The following RTN4 variants were observed in gnomAD, a reference collection of about 807,000 sequenced individuals.
RTN4 encodes the protein reticulon-4.
A neutral mutation model predicts 90.4 loss-of-function variants in RTN4; 32 were observed. The observed-to-expected ratio is 0.35, with a 90% CI of 0.27 to 0.48. The LOEUF (loss-of-function observed/expected upper bound fraction) is 0.48, where lower values mean the gene tolerates loss of function less well. Among genes scored for constraint, RTN4 ranks in the 20% least tolerant of loss-of-function variants. The pLI, the probability that RTN4 is intolerant of heterozygous loss-of-function variation, is 0.99. For synonymous variants in RTN4, 629 were observed against 552.5 expected, an observed-to-expected ratio of 1.14 and a Z score of -1.94; for missense variants, 1,706 against 1,430.2, an observed-to-expected ratio of 1.19 and a Z score of -3.11.
intron 1 of RTN4, among the ~76,000 whole-genome samples, chr2:55,092,097 G>T (rs751982632): frequency 3.9e-5 from 6 of 152,008 alleles, no homozygotes; most frequent in Non-Finnish European, 8.8e-5. Context: ...GGTTGAGGTG[G>T]GAAGATTGCT....
intron 3 of RTN4, among the ~76,000 whole-genome samples, chr2:54,994,814 A>C (rs1679286805): frequency 6.6e-6 from 1 of 152,238 alleles, no homozygotes; most frequent in East Asian, 1.9e-4. Context: ...TCCTCACTTA[A>C]ATGTTGAGGA....
intron 3 of RTN4, among the ~76,000 whole-genome samples, chr2:54,994,117 G>T (rs1679234601): frequency 6.6e-6 from 1 of 152,170 alleles, no homozygotes; most frequent in African/African-American, 2.4e-5. Flanking sequence ...GGAATGTATA[G>T]AACTTTATTA....
chr2:55,115,920 C>T (rs1668116481), upstream of RTN4, among the ~76,000 whole-genome samples: 1 of 152,110 alleles, frequency 6.6e-6, no homozygotes, highest in African/African-American at 2.4e-5. Context: ...GCTGCAGAAT[C>T]CCAGCTCAGT....
At chr2:55,066,599 C>A (rs1019222866) in intron 2 of RTN4, among the ~76,000 whole-genome samples, 5 of 152,010 alleles carry the variant, frequency 3.3e-5, no homozygotes, top group African/African-American at 1.2e-4. Flanking sequence ...GAGGCTGAAG[C>A]AGGAGAGTCG....
At chr2:55,116,629 A>C (rs1668130461), upstream of RTN4, among the ~76,000 whole-genome samples, 1 of 152,216 alleles carries the variant, frequency 6.6e-6, no homozygotes, top group African/African-American at 2.4e-5. Flanking sequence ...CCCATGAGGT[A>C]TGTACTATTA....
rs560765843 is a variant in RTN4, at chr2:55,038,658, C to T, written c.557-10438G>A. Among the ~76,000 whole-genome samples, 4 of 152,306 alleles carry T rather than the reference C, an allele frequency of 2.6e-5. No individual in the cohort carries two copies. In the East Asian group the frequency reaches 5.8e-4, roughly 22 times the overall value. On this transcript the variant is annotated intron_variant, in intron 1 of 8. Transcript: ENST00000337526. ...GAAAACGTAAAGCCACCAGAATTCTCACACATTGCTGGTGGAAGTGGTTGG... is the reference window on the plus strand; with the variant it reads ...GAAAACGTAAAGCCACCAGAATTCTTACACATTGCTGGTGGAAGTGGTTGG...
intron 3 of RTN4, chr2:55,010,086 C>T (rs761513587): frequency 1.9e-6 from 3 of 1,613,456 alleles, no homozygotes; most frequent in Non-Finnish European, 8.5e-7. Flanking sequence ...AGCAGATATA[C>T]CCTTGTCCTT....
chr2:55,067,750 C>T (rs1252599399), intron 2 of RTN4, among the ~76,000 whole-genome samples: 1 of 152,100 alleles, frequency 6.6e-6, no homozygotes, highest in Admixed American at 6.6e-5. Flanking sequence ...ATCAATAATT[C>T]TCAGACTTTT....
At chr2:55,005,760 G>A (rs1182039734) in intron 3 of RTN4, among the ~76,000 whole-genome samples, 1 of 152,100 alleles carries the variant, frequency 6.6e-6, no homozygotes, top group Non-Finnish European at 1.5e-5. Flanking sequence ...TGGGAGTGAG[G>A]CCCAAGTCTA....
chr2:55,118,861 A>G, the RTN4 span, among the ~76,000 whole-genome samples: 2 of 152,188 alleles, frequency 1.3e-5, no homozygotes, highest in Non-Finnish European at 2.9e-5. Flanking sequence ...GTCCCTGACA[A>G]TTTATCAGGA....
intron 3 of RTN4, among the ~76,000 whole-genome samples, chr2:54,997,310 C>T (rs868743294): frequency 1.3e-5 from 2 of 152,060 alleles, no homozygotes; most frequent in Admixed American, 1.3e-4. Flanking sequence ...AATGAGATAC[C>T]ACTTCATACC....
chr2:54,998,369 A>T (rs1055537162), intron 3 of RTN4, among the ~76,000 whole-genome samples: 4 of 152,228 alleles, frequency 2.6e-5, no homozygotes, highest in African/African-American at 9.6e-5. Flanking sequence ...CTTTATCCCC[A>T]GAGCTGAGCA....
intron 2 of RTN4, among the ~76,000 whole-genome samples, chr2:55,065,226 A>G (rs536630827): frequency 6.6e-6 from 1 of 152,186 alleles, no homozygotes; most frequent in Non-Finnish European, 1.5e-5. Flanking sequence ...TTACTAGAGC[A>G]TTTGCTTTTA....
intron 1 of RTN4, among the ~76,000 whole-genome samples, chr2:55,081,325 C>T (rs773950985): frequency 2.6e-5 from 4 of 152,122 alleles, no homozygotes; most frequent in African/African-American, 4.8e-5. Context: ...GATCCTCCTT[C>T]GTCAGACTCC....
chr2:54,974,436 C>T (rs892620476), intron 6 of RTN4, among the ~76,000 whole-genome samples: 9 of 152,164 alleles, frequency 5.9e-5, no homozygotes, highest in Admixed American at 1.3e-4. Context: ...TGCGCCACCA[C>T]GCCCAGCTAA....
intron 1 of RTN4, among the ~76,000 whole-genome samples, chr2:55,031,918 G>A (rs552970479): frequency 1.3e-5 from 2 of 152,240 alleles, no homozygotes; most frequent in African/African-American, 4.8e-5. Flanking sequence ...GGATCAAAAT[G>A]ATTTTCCAGC....
intron 1 of RTN4, among the ~76,000 whole-genome samples, chr2:55,107,625 G>A (rs1312822527): frequency 6.6e-6 from 1 of 151,936 alleles, no homozygotes; most frequent in East Asian, 1.9e-4. Flanking sequence ...ATAAGTTCAG[G>A]CACTTCAGGC....
chr2:55,088,203 T>G (rs905762503), intron 1 of RTN4, among the ~76,000 whole-genome samples: 6 of 152,320 alleles, frequency 3.9e-5, no homozygotes, highest in African/African-American at 1.2e-4. Context: ...TCTATGACAG[T>G]TTTGTATCCT....
chr2:55,091,811 T>A (rs537502650), intron 1 of RTN4, among the ~76,000 whole-genome samples: 1 of 149,848 alleles, frequency 6.7e-6, no homozygotes, highest in African/African-American at 2.5e-5. Flanking sequence ...TGGCAGGAGG[T>A]AAAAGGCATT....
Sources: allele counts gnomAD v4.1 joint callset (sites outside exome capture counted in the v4.1 genomes callset), GRCh38; gene constraint gnomAD v4.1.1; transcripts MANE v1.5; gene names NCBI Gene and HGNC (gene_info 2026-07-23, HGNC 2026-07-21).